The following SULF1 variants were observed in gnomAD, a reference collection of about 807,000 sequenced individuals.
The protein encoded by SULF1 is sulfatase 1, also known as extracellular sulfatase Sulf-1.
SULF1 carries 46 observed loss-of-function variants against 110.5 expected under a neutral mutation model. The ratio of observed to expected loss-of-function variants is 0.42; its 90% CI spans 0.33 to 0.53. The LOEUF (loss-of-function observed/expected upper bound fraction) is 0.53. Among genes scored for constraint, SULF1 ranks in the 20% least tolerant of loss-of-function variants. SULF1 has a pLI of 0.12. For missense variants in SULF1, 941 were observed against 1,094.2 expected, an observed-to-expected ratio of 0.86 and a Z score of 1.98; for synonymous variants, 371 against 387.1, an observed-to-expected ratio of 0.96 and a Z score of 0.49.
At chr8:69,642,122 G>A in intron 22 of SULF1, 1 of 607,014 alleles carries the variant, frequency 1.6e-6, no homozygotes, top group Non-Finnish European at 2.1e-6. Flanking sequence ...CTTAATTGGT[G>A]CCATCTATAT....
chr8:69,605,908 G>C (rs1427486034), intron 13 of SULF1, among the ~76,000 whole-genome samples: 1 of 152,192 alleles, frequency 6.6e-6, no homozygotes, highest in Non-Finnish European at 1.5e-5. Flanking sequence ...TCAAACAGGA[G>C]TTGTCTGATT....
chr8:69,609,402 T>G (rs543136506), intron 13 of SULF1, among the ~76,000 whole-genome samples: 2 of 152,166 alleles, frequency 1.3e-5, no homozygotes, highest in Non-Finnish European at 2.9e-5. Context: ...GGGTGGCACT[T>G]GAAAAATGCT....
chr8:69,502,690 C>CTA (rs1810895799), intron 3 of SULF1, among the ~76,000 whole-genome samples: 1 of 125,912 alleles, frequency 7.9e-6, no homozygotes, highest in African/African-American at 3.0e-5. Context: ...CTTTTTTTTT[C>CTA]TTTTTTTTTT....
intron 3 of SULF1, among the ~76,000 whole-genome samples, chr8:69,513,216 G>T (rs1017688249): frequency 6.6e-6 from 1 of 152,202 alleles, no homozygotes; most frequent in Non-Finnish European, 1.5e-5. Context: ...AGGCATCCAT[G>T]CTTTGACTTG....
In SULF1 at chr8:69,600,622, G is replaced by A; in HGVS notation, c.754G>A (p.Ala252Thr). Residue 252 changes from alanine (A) to threonine (T), a missense_variant, in exon 9 of 23, where the codon GCA becomes ACA. By Grantham distance (58) the Ala-to-Thr change is moderately conservative. Coordinates refer to ENST00000402687, the MANE Select transcript of SULF1 (RefSeq NM_001128205.2). Reference protein sequence around the residue: ...SQHITPSYNYAPNMDKHWIMQ... With the variant: ...SQHITPSYNYTPNMDKHWIMQ... ...TTTCAGAACTCCTAGTTATAACTAT[G>A]CACCAAATATGGATAAACACTGGAT... The A allele has an allele frequency of 1.2e-6, 2 of 1,612,242 alleles. No homozygotes were observed. The highest frequency in any genetic ancestry group is 1.3e-5 in the African/African-American group (1 of 74,988).
chr8:69,578,624 T>C (rs1258244767), intron 6 of SULF1, among the ~76,000 whole-genome samples: 1 of 151,264 alleles, frequency 6.6e-6, no homozygotes, highest in Non-Finnish European at 1.5e-5. Context: ...GATGAAACTG[T>C]GTACACACCG....
chr8:69,578,806 T>C (rs1805833002), intron 6 of SULF1, among the ~76,000 whole-genome samples: 1 of 151,984 alleles, frequency 6.6e-6, no homozygotes, highest in African/African-American at 2.4e-5. Context: ...TTATAGTGAG[T>C]CAACCTCCAA....
chr8:69,513,506 T>C (rs7839062), intron 3 of SULF1, among the ~76,000 whole-genome samples: 79,978 of 152,082 alleles, frequency 0.53, 21,734 homozygotes, highest in South Asian at 0.65. Context: ...TTACAAAGTA[T>C]TACTGTGGAA....
chr8:69,544,300 G>C lies in SULF1; in HGVS notation c.-133-19239G>C, dbSNP rs142270665. Among the ~76,000 whole-genome samples the C allele has an allele frequency of 1.5e-4, 23 of 151,200 alleles. No homozygotes were observed. In the East Asian group the frequency reaches 4.1e-3, roughly 27 times the overall value. On this transcript the variant is annotated intron_variant, in intron 3 of 22. Coordinates refer to ENST00000402687, the MANE Select transcript of SULF1 (RefSeq NM_001128205.2). The stretch of plus-strand genomic sequence containing the variant: ...TTGTTTTTTTTTGAGATGGAGTCTC[G>C]TTCTGTCACCCAGGTTGGAGTACAG...
intron 3 of SULF1, among the ~76,000 whole-genome samples, chr8:69,519,254 G>A (rs1812133138): frequency 6.6e-6 from 1 of 152,118 alleles, no homozygotes; most frequent in Non-Finnish European, 1.5e-5. Flanking sequence ...GCAGTGACAG[G>A]GACTCATTCA....
At chr8:69,623,477 G>T (rs1809771783) in intron 14 of SULF1, among the ~76,000 whole-genome samples, 1 of 152,178 alleles carries the variant, frequency 6.6e-6, no homozygotes, top group Non-Finnish European at 1.5e-5. Context: ...CAAGACTCCA[G>T]ATTAGAGATA....
intron 22 of SULF1, among the ~76,000 whole-genome samples, chr8:69,644,105 C>T (rs1030938550): frequency 4.6e-5 from 7 of 152,228 alleles, no homozygotes; most frequent in African/African-American, 7.2e-5. Flanking sequence ...GAGCTCCACC[C>T]TCAGCAGCCA....
At chr8:69,509,977 C>T (rs1431994930) in intron 3 of SULF1, among the ~76,000 whole-genome samples, 2 of 152,132 alleles carry the variant, frequency 1.3e-5, no homozygotes, top group African/African-American at 4.8e-5. Flanking sequence ...CATGTTTGAA[C>T]GACTGTTCTA....
intron 3 of SULF1, among the ~76,000 whole-genome samples, chr8:69,561,850 T>C (rs547186309): frequency 2.0e-5 from 3 of 152,358 alleles, no homozygotes; most frequent in African/African-American, 7.2e-5. Flanking sequence ...ATTACTTTAG[T>C]TTTCCTGTCC....
intron 22 of SULF1, chr8:69,642,201 TC>T: frequency 4.1e-6 from 4 of 982,948 alleles, no homozygotes; most frequent in Non-Finnish European, 4.8e-6. Context: ...TGTATTAATA[TC>T]TTTAAAATTA....
chr8:69,640,479 A>T (rs1166829498), intron 21 of SULF1, among the ~76,000 whole-genome samples: 1 of 152,258 alleles, frequency 6.6e-6, no homozygotes, highest in East Asian at 1.9e-4. Context: ...TTGTCTAAAA[A>T]TAACCAAAAT....
intron 3 of SULF1, among the ~76,000 whole-genome samples, chr8:69,559,956 G>T (rs571078856): frequency 7.9e-5 from 12 of 152,280 alleles, no homozygotes; most frequent in African/African-American, 2.9e-4. Flanking sequence ...TAAGACAAAA[G>T]CGGAAAGCGG....
chr8:69,595,102 T>C (rs915247070), intron 8 of SULF1, among the ~76,000 whole-genome samples: 27 of 152,212 alleles, frequency 1.8e-4, no homozygotes, highest in African/African-American at 6.0e-4. Context: ...AAACAGTCGA[T>C]TTTATGAATT....
At chr8:69,471,927 C>T (rs1184683173) in intron 1 of SULF1, among the ~76,000 whole-genome samples, 1 of 151,892 alleles carries the variant, frequency 6.6e-6, no homozygotes, top group Non-Finnish European at 1.5e-5. Flanking sequence ...GATGTGCCTT[C>T]CTTTAGCATT....
Sources: gnomAD v4.1 joint callset for allele counts (sites outside exome capture counted in the v4.1 genomes callset) on GRCh38, gnomAD v4.1.1 for gene constraint, MANE v1.5 for transcripts, NCBI Gene and HGNC (gene_info 2026-07-23, HGNC 2026-07-21) for gene names.